The following SCAF11 variants were observed in gnomAD, a reference collection of about 807,000 sequenced individuals.
The protein encoded by SCAF11 is SR-related CTD associated factor 11.
In SCAF11, 47 loss-of-function variants were observed where a neutral mutation model predicts 140.5. The ratio of observed to expected loss-of-function variants is 0.33; its 90% CI spans 0.26 to 0.43. The LOEUF (loss-of-function observed/expected upper bound fraction) is 0.43. SCAF11 is among the 20% of genes least tolerant of loss of function. The pLI, the probability that SCAF11 is intolerant of heterozygous loss-of-function variation, is 1.00. For synonymous variants in SCAF11, 557 were observed against 579.4 expected, an observed-to-expected ratio of 0.96 and a Z score of 0.55; for missense variants, 1,645 against 1,705.1, an observed-to-expected ratio of 0.96 and a Z score of 0.62.
intron 1 of SCAF11, among the ~76,000 whole-genome samples, chr12:45,980,642 C>T (rs1946329227): frequency 6.6e-6 from 1 of 152,168 alleles, no homozygotes; most frequent in Non-Finnish European, 1.5e-5. Flanking sequence ...AGTTACCCAA[C>T]AACTCACCTG....
chr12:45,922,884 T>C, intron 13 of SCAF11, 52 bp downstream of exon 13: 2 of 1,504,194 alleles, frequency 1.3e-6, no homozygotes, highest in Non-Finnish European at 1.8e-6. Flanking sequence ...TGATATTTTT[T>C]CTCCTTTATC....
At position 45,921,861 on chromosome 12, in the gene SCAF11, G is replaced by T; in HGVS notation, c.*187C>A. 1.7e-6 allele frequency: 1 copy of T among 602,140 alleles called. No individual in the cohort carries two copies. The highest frequency in any genetic ancestry group is 2.8e-6 in the Non-Finnish European group (1 of 360,396). 37.3% of individuals were successfully genotyped at this position (602,140 alleles called of 1,614,324 possible). On this transcript the variant is annotated 3_prime_UTR_variant, in exon 15 of 15. Transcript: ENST00000369367. ...TTTTGTGGGGGAGGGTGGAGGGGAA[G>T]GAAGGATACAGAAGTTGCAGTGCAG...
chr12:45,989,765 C>G (rs569890539), intron 1 of SCAF11, among the ~76,000 whole-genome samples: 40 of 152,324 alleles, frequency 2.6e-4, no homozygotes, highest in African/African-American at 8.9e-4. Flanking sequence ...GTGAAAAAGG[C>G]TGATGCTTAG....
intron 4 of SCAF11, 25 bp downstream of exon 4, chr12:45,951,625 C>T (rs1481434100): frequency 2.1e-6 from 3 of 1,410,560 alleles, no homozygotes; most frequent in East Asian, 2.3e-5. Flanking sequence ...TTATATAATT[C>T]ATGTTGCAGA....
chr12:45,925,362 G>A (rs753298787), intron 11 of SCAF11, among the ~76,000 whole-genome samples: 2 of 152,080 alleles, frequency 1.3e-5, no homozygotes, highest in African/African-American at 2.4e-5. Flanking sequence ...AGAGCAGCCT[G>A]GCCAACATGG....
At chr12:45,943,845 C>A (rs1471222619) in intron 6 of SCAF11, among the ~76,000 whole-genome samples, 1 of 152,096 alleles carries the variant, frequency 6.6e-6, no homozygotes, top group Non-Finnish European at 1.5e-5. Context: ...AACCTTCTGG[C>A]AGAAATTGTT....
Position 45,921,813 on chromosome 12 carries a change from T to C in SCAF11, c.*235A>G, listed in dbSNP as rs1944720946. ...GTCCTAGTAAAGATGCACATTCCTTTAAACCCTTTACTTTCCCTTGAATTT... is the reference window on the plus strand; with the variant it reads ...GTCCTAGTAAAGATGCACATTCCTTCAAACCCTTTACTTTCCCTTGAATTT... On this transcript the variant is annotated 3_prime_UTR_variant, in exon 15 of 15. Coordinates refer to ENST00000369367, the MANE Select transcript of SCAF11 (RefSeq NM_004719.3). 1 of 479,130 alleles carries C rather than the reference T, an allele frequency of 2.1e-6. No homozygotes were observed. The highest frequency in any genetic ancestry group is 2.0e-5 in the African/African-American group (1 of 51,182). The allele number at this position is 479,130 out of a possible 1,614,324, so 29.7% of individuals were successfully genotyped here. A position where few individuals can be genotyped will look rare whatever the true frequency, so the allele number is the denominator to read the frequency against.
chr12:45,976,654 G>C (rs1241429038), intron 1 of SCAF11, among the ~76,000 whole-genome samples: 1 of 151,940 alleles, frequency 6.6e-6, no homozygotes, highest in African/African-American at 2.4e-5. Context: ...CAAAAACAGA[G>C]GGAACAAACA....
At chr12:45,978,299 T>C (rs1238553791) in intron 1 of SCAF11, among the ~76,000 whole-genome samples, 1 of 152,174 alleles carries the variant, frequency 6.6e-6, no homozygotes, top group Non-Finnish European at 1.5e-5. Flanking sequence ...TCATTTATCC[T>C]CAAGATTCTC....
At position 45,966,698 on chromosome 12, in the gene SCAF11, C is replaced by T. The variant is rs143191439; in HGVS notation, c.-21-2510G>A. On this transcript the variant is annotated intron_variant, in intron 1 of 14. Transcript: ENST00000369367. Reference sequence around the variant, plus strand: ...AAGCATTCTTGGCAGAGAGAATAGCCAATATGAAAGTCCTAAGGCATGTCT... The same window carrying T: ...AAGCATTCTTGGCAGAGAGAATAGCTAATATGAAAGTCCTAAGGCATGTCT... Among the ~76,000 whole-genome samples the T allele has an allele frequency of 9.4e-4, 142 of 151,722 alleles. 2 individuals carry two copies. The highest frequency in any genetic ancestry group is 2.7e-3 in the African/African-American group (110 of 41,314).
intron 3 of SCAF11, among the ~76,000 whole-genome samples, chr12:45,956,899 C>G (rs1945702497): frequency 6.6e-6 from 1 of 151,996 alleles, no homozygotes; most frequent in Non-Finnish European, 1.5e-5. Flanking sequence ...GATGGGTGTT[C>G]ACAATGCAAA....
At chr12:45,986,056 G>A (rs771383322) in intron 1 of SCAF11, among the ~76,000 whole-genome samples, 1 of 152,100 alleles carries the variant, frequency 6.6e-6, no homozygotes, top group African/African-American at 2.4e-5. Flanking sequence ...TTTTTTAAAT[G>A]TTAGAGGTCA....
chr12:45,954,206 G>C (rs12830942), intron 3 of SCAF11, among the ~76,000 whole-genome samples: 2 of 151,938 alleles, frequency 1.3e-5, no homozygotes, highest in African/African-American at 4.8e-5. Flanking sequence ...CAGCTAAATT[G>C]CATTTTTTCC....
At chr12:45,938,245 T>C (rs143273826) in intron 6 of SCAF11, among the ~76,000 whole-genome samples, 2 of 152,294 alleles carry the variant, frequency 1.3e-5, no homozygotes, top group Non-Finnish European at 2.9e-5. Context: ...ATCCCAGCAC[T>C]CTGGGAGGCC....
chr12:45,943,094 T>A (rs1945341735), intron 6 of SCAF11, among the ~76,000 whole-genome samples: 3 of 152,216 alleles, frequency 2.0e-5, no homozygotes, highest in Admixed American at 1.3e-4. Flanking sequence ...AGCTGCTTCA[T>A]CCAATAAATA....
intron 3 of SCAF11, among the ~76,000 whole-genome samples, chr12:45,959,753 T>C (rs1565681112): frequency 2.0e-5 from 3 of 152,228 alleles, no homozygotes; most frequent in Admixed American, 6.5e-5. Flanking sequence ...TTATAATTTA[T>C]AATAAGCAAT....
intron 6 of SCAF11, among the ~76,000 whole-genome samples, chr12:45,939,315 T>G (rs567312567): frequency 3.8e-4 from 58 of 152,308 alleles, no homozygotes; most frequent in African/African-American, 1.2e-3. Flanking sequence ...ATTAGTTTGA[T>G]TACTGTATAA....
chr12:45,922,835 C>T (rs2136491507), intron 13 of SCAF11, 101 bp downstream of exon 13: 1 of 1,095,432 alleles, frequency 9.1e-7, no homozygotes, highest in Non-Finnish European at 1.4e-6. Context: ...TTTAGACAGC[C>T]AATAAGAAAT....
Position 45,922,483 on chromosome 12 carries a change from C to T in SCAF11, c.4225G>A (p.Val1409Ile). The change falls in exon 14 of 15, where the codon GTA becomes ATA. Residue 1409 changes from valine to isoleucine, a missense_variant. By Grantham distance (29) the Val-to-Ile change is conservative (BLOSUM62 3). Transcript: ENST00000369367. The part of the protein sequence containing the change: ...DITKEEYKEI[V>I]RKAVDKVCHS... ...CTTACTTTATCTACTGCTTTCCGTACAATTTCTTTATATTCTTCCTTGGTG... is the reference window on the plus strand; with the variant it reads ...CTTACTTTATCTACTGCTTTCCGTATAATTTCTTTATATTCTTCCTTGGTG... The T allele has an allele frequency of 6.2e-7, 1 of 1,603,516 alleles. No homozygotes were observed. Among genetic ancestry groups the T allele is most frequent in the Non-Finnish European group, 8.5e-7 (1 of 1,178,188 alleles).
Sources: gnomAD v4.1 joint callset for allele counts (sites outside exome capture counted in the v4.1 genomes callset) on GRCh38, gnomAD v4.1.1 for gene constraint, MANE v1.5 for transcripts, NCBI Gene and HGNC (gene_info 2026-07-23, HGNC 2026-07-21) for gene names.